SLC38A8: variants seen among roughly 807,000 people sequenced by gnomAD.
SLC38A8 encodes the protein solute carrier family 38 member 8, also known as amino acid transporter SLC38A8.
In SLC38A8, 65 loss-of-function variants were observed where a neutral mutation model predicts 46.0. The ratio of observed to expected loss-of-function variants is 1.41; its 90% confidence interval spans 1.16 to 1.74. SLC38A8 has a LOEUF of 1.74. Among genes scored for constraint, SLC38A8 ranks in the 40% most tolerant of loss-of-function variants. SLC38A8 has a pLI of 0.00. For synonymous variants in SLC38A8, 447 were observed against 243.7 expected, an observed-to-expected ratio of 1.83 and a Z score of -7.77; for missense variants, 998 against 567.9, an observed-to-expected ratio of 1.76 and a Z score of -7.70.
chr16:84,015,707 A>G (rs2085017210), intron 9 of SLC38A8, among the ~76,000 whole-genome samples: 1 of 152,044 alleles, frequency 6.6e-6, no homozygotes, highest in Non-Finnish European at 1.5e-5. Flanking sequence ...GGACTAGGTA[A>G]TGGTTTGTTT....
At chr16:84,039,065 C>T (rs1027514418) in intron 2 of SLC38A8, among the ~76,000 whole-genome samples, 3 of 152,112 alleles carry the variant, frequency 2.0e-5, no homozygotes, top group South Asian at 2.1e-4. Flanking sequence ...GGGCCCTCAA[C>T]CCATTGAGGT....
In SLC38A8 at chr16:84,009,716, G is replaced by T. The variant is rs1250300015; in HGVS notation, c.*68C>A. The T allele has an allele frequency of 2.9e-6, 4 of 1,356,660 alleles. No individual in the cohort carries two copies. In the African/African-American group the frequency reaches 5.9e-5, roughly 20 times the overall value. 84.0% of individuals were successfully genotyped at this position (1,356,660 alleles called of 1,614,324 possible). On this transcript the variant is annotated 3_prime_UTR_variant, in exon 11 of 11. Coordinates refer to ENST00000299709, the MANE Select transcript of SLC38A8 (RefSeq NM_001080442.3). ...GGAAAAGAAATGGCATCGGTCTCCTGGCTGCATACAGCAGCCACGTAGGGT... is the reference window on the plus strand; with the variant it reads ...GGAAAAGAAATGGCATCGGTCTCCTTGCTGCATACAGCAGCCACGTAGGGT...
At chr16:84,027,406 G>A (rs1374041491) in intron 6 of SLC38A8, among the ~76,000 whole-genome samples, 1 of 152,092 alleles carries the variant, frequency 6.6e-6, no homozygotes, top group Non-Finnish European at 1.5e-5. Flanking sequence ...AGAAGTCCTG[G>A]TGTAGCCGCA....
rs111631768 is a variant in SLC38A8 at position 84,036,690 on chromosome 16, G to T, written c.388+12C>A. The T allele has an allele frequency of 6.2e-7, 1 of 1,613,972 alleles. No individual in the cohort carries two copies. The highest frequency in any genetic ancestry group is 8.5e-7 in the Non-Finnish European group (1 of 1,179,996). On this transcript the variant is annotated intron_variant, in intron 3 of 10. Coordinates refer to ENST00000299709, the MANE Select transcript of SLC38A8 (RefSeq NM_001080442.3). ...CACCCTGGGCCACCCCGAGTCCCATGAAGGTACTTACGCTTCTCCAGCTGG... is the reference window on the plus strand; with the variant it reads ...CACCCTGGGCCACCCCGAGTCCCATTAAGGTACTTACGCTTCTCCAGCTGG...
chr16:84,035,034 C>T (rs1159257948), intron 3 of SLC38A8, among the ~76,000 whole-genome samples: 1 of 152,204 alleles, frequency 6.6e-6, no homozygotes, highest in Non-Finnish European at 1.5e-5. Flanking sequence ...AGAGAGGCAT[C>T]CCCAAATATC....
At chr16:84,017,793 C>T (rs539412063) in intron 7 of SLC38A8, among the ~76,000 whole-genome samples, 10 of 152,278 alleles carry the variant, frequency 6.6e-5, no homozygotes, top group Admixed American at 2.0e-4. Flanking sequence ...TCTGTCACCC[C>T]GGGTTGCCTG....
At chr16:84,019,781 T>A (rs1349941381) in intron 7 of SLC38A8, among the ~76,000 whole-genome samples, 1 of 152,142 alleles carries the variant, frequency 6.6e-6, no homozygotes, top group Non-Finnish European at 1.5e-5. Flanking sequence ...AAAGAAACAT[T>A]CTCATCCCAG....
chr16:84,033,670 C>G (rs1478859917), intron 3 of SLC38A8, among the ~76,000 whole-genome samples: 1 of 152,222 alleles, frequency 6.6e-6, no homozygotes, highest in Admixed American at 6.5e-5. Context: ...ATTCATTCAA[C>G]AAACATTCGC....
chr16:84,014,504 G>A (rs1013225878), intron 9 of SLC38A8, among the ~76,000 whole-genome samples: 11 of 146,690 alleles, frequency 7.5e-5, no homozygotes, highest in Non-Finnish European at 1.1e-4. Flanking sequence ...CTGTGAAAGC[G>A]CCACCCTAAG....
intron 3 of SLC38A8, among the ~76,000 whole-genome samples, chr16:84,035,061 A>G (rs1246036837): frequency 6.6e-6 from 1 of 152,178 alleles, no homozygotes; most frequent in South Asian, 2.1e-4. Flanking sequence ...GATATACACA[A>G]GAACGCTCTC....
Position 84,017,199 on chromosome 16 carries a change from G to A in SLC38A8, c.894C>T (p.Ala298=), listed in dbSNP as rs1490592979. ...YPGNDMVIIV[A]RVLFAVSIVT... ...CGATGGAGACAGCAAAAAGGACCCG[G>A]GCCACAATGATGACCATATCATTGC... Residue 298 remains alanine (A), a synonymous_variant, in exon 8 of 11, where the codon GCC becomes GCT. Transcript: ENST00000299709. 4.3e-6 allele frequency: 7 copies of A among 1,613,962 alleles called. No individual in the cohort carries two copies. Among genetic ancestry groups the A allele is most frequent in the South Asian group, 3.3e-5 (3 of 91,074 alleles).
At position 84,042,021 on chromosome 16, in the gene SLC38A8, G is replaced by A; in HGVS notation, c.137C>T (p.Pro46Leu). 1 of 1,613,460 alleles carries A rather than the reference G, an allele frequency of 6.2e-7. No individual in the cohort carries two copies. The highest frequency in any genetic ancestry group is 8.5e-7 in the Non-Finnish European group (1 of 1,179,722). The change falls in exon 2 of 11, where the codon CCC (proline) becomes CTC (leucine). Residue 46 changes from proline (P) to leucine (L), a missense_variant. Coordinates refer to ENST00000299709, the MANE Select transcript of SLC38A8 (RefSeq NM_001080442.3). ...SALGAGLLNF[P>L]WAFSKAGGVV... The stretch of plus-strand genomic sequence containing the variant: ...TCCGCCCGCTTTGGAGAAGGCCCAG[G>A]GGAAGTTGAGCAGGCCAGCTCCCAG...
At chr16:84,041,776 C>T (rs1340307676) in intron 2 of SLC38A8, among the ~76,000 whole-genome samples, 193 bp downstream of exon 2, 3 of 152,186 alleles carry the variant, frequency 2.0e-5, no homozygotes, top group African/African-American at 4.8e-5. Flanking sequence ...CCAGCGCCCA[C>T]GGGGGATATT....
In SLC38A8 at chr16:84,009,858, CCCAGACCT is replaced by C; in HGVS notation, c.1226_1233del (p.Glu409GlyfsTer29). The C allele has an allele frequency of 1.9e-6, 3 of 1,613,986 alleles. No homozygotes were observed. Among genetic ancestry groups the C allele is most frequent in the Non-Finnish European group, 2.5e-6 (3 of 1,179,978 alleles). On this transcript the variant is annotated frameshift_variant, in exon 11 of 11. Coordinates refer to ENST00000299709, the MANE Select transcript of SLC38A8 (RefSeq NM_001080442.3). LOFTEE classifies it high-confidence loss of function. ...GTGCCGACCAGCACAGAGACCACTCCCCAGACCTCCAGGCAGCACCTGCCAAGTGAATA... is the reference window on the plus strand; with the variant it reads ...GTGCCGACCAGCACAGAGACCACTCCCCAGGCAGCACCTGCCAAGTGAATA...
intron 6 of SLC38A8, among the ~76,000 whole-genome samples, chr16:84,027,136 G>A (rs192138523): frequency 6.6e-6 from 1 of 152,300 alleles, no homozygotes; most frequent in African/African-American, 2.4e-5. Flanking sequence ...CAGATCAAAA[G>A]GTTAAGAGAT....
chr16:84,013,145 C>T (rs2084974234), intron 9 of SLC38A8, 93 bp from the exon 10 acceptor site: 1 of 1,463,162 alleles, frequency 6.8e-7, no homozygotes. Context: ...CCCAGGAGGC[C>T]AGCAAGGCCT....
chr16:84,018,220 T>C (rs969787377), intron 7 of SLC38A8, among the ~76,000 whole-genome samples: 4 of 142,732 alleles, frequency 2.8e-5, no homozygotes, highest in African/African-American at 1.1e-4. Flanking sequence ...TCAGCCCTCA[T>C]TCCTTTTTTT....
At chr16:84,031,165 G>A (rs2085233830) in intron 5 of SLC38A8, among the ~76,000 whole-genome samples, 1 of 152,006 alleles carries the variant, frequency 6.6e-6, no homozygotes. Flanking sequence ...TCAGCCTCCT[G>A]AATAGCTGGG....
intron 9 of SLC38A8, among the ~76,000 whole-genome samples, chr16:84,015,944 G>C (rs140207548): frequency 6.6e-6 from 1 of 152,336 alleles, no homozygotes; most frequent in East Asian, 1.9e-4. Context: ...CTCCCAAAGT[G>C]CTGGGATTAC....
Sources: gnomAD v4.1 joint callset for allele counts (sites outside exome capture counted in the v4.1 genomes callset) on GRCh38, gnomAD v4.1.1 for gene constraint, MANE v1.5 for transcripts, NCBI Gene and HGNC (gene_info 2026-07-23, HGNC 2026-07-21) for gene names.